AOAH: variants seen among roughly 807,000 people sequenced by gnomAD.
The protein encoded by AOAH is acyloxyacyl hydrolase (neutrophil).
Under a neutral mutation model 92.2 loss-of-function variants are expected in AOAH, and 64 were observed. The observed-to-expected ratio is 0.69, with a 90% CI of 0.57 to 0.86. AOAH has a LOEUF of 0.86. Ranked by LOEUF, AOAH falls within the 40% of genes least tolerant of loss-of-function variation. The pLI, the probability that AOAH is intolerant of heterozygous loss-of-function variation, is 0.00. For synonymous variants in AOAH, 263 were observed against 254.5 expected (o/e 1.03, Z -0.32); for missense variants, 656 against 694.6 (o/e 0.94, Z 0.62).
chr7:36,712,333 T>C (rs1034671082), intron 1 of AOAH, among the ~76,000 whole-genome samples: 1 of 152,166 alleles, frequency 6.6e-6, no homozygotes, highest in African/African-American at 2.4e-5. Flanking sequence ...TTTAACCAAA[T>C]GTGAGTAAGG....
chr7:36,694,268 G>A lies in AOAH; in HGVS notation c.128-7474C>T, dbSNP rs191646930. ...TCCCAGTGCTTTGGGAGGCTGAGGC[G>A]GGCGGATCACCTGAGGTCAGGAGTC... On this transcript the variant is annotated intron_variant, in intron 1 of 20. Coordinates refer to ENST00000617537, the MANE Select transcript of AOAH (RefSeq NM_001637.4). Among the ~76,000 whole-genome samples the A allele has an allele frequency of 2.5e-3, 373 of 152,028 alleles. 3 individuals carry two copies. The highest frequency in any genetic ancestry group is 8.6e-3 in the African/African-American group (355 of 41,470).
intron 12 of AOAH, among the ~76,000 whole-genome samples, chr7:36,581,464 C>T (rs1191214861): frequency 2.0e-5 from 3 of 152,312 alleles, no homozygotes; most frequent in African/African-American, 7.2e-5. Flanking sequence ...TTATACACTG[C>T]GTCACTTATG....
At chr7:36,674,113 T>G in intron 2 of AOAH, 104 bp from the exon 3 acceptor site, 1 of 652,868 alleles carries the variant, frequency 1.5e-6, no homozygotes, top group South Asian at 2.1e-5. Context: ...AGTGATTAAT[T>G]TATGATTAAT....
chr7:36,575,930 C>T (rs1788464667), intron 13 of AOAH, among the ~76,000 whole-genome samples: 2 of 152,290 alleles, frequency 1.3e-5, no homozygotes, highest in Middle Eastern at 3.4e-3. Context: ...CTGAGCATAG[C>T]AGACAAGAGT....
intron 12 of AOAH, among the ~76,000 whole-genome samples, chr7:36,587,162 C>G (rs1789395346): frequency 6.6e-6 from 1 of 150,962 alleles, no homozygotes; most frequent in Non-Finnish European, 1.5e-5. Flanking sequence ...GTCCCAGCTA[C>G]TCGGGAGGCT....
In AOAH at chr7:36,594,382, G is replaced by A; in HGVS notation, c.895C>T (p.Pro299Ser). ...AATCCTGTAGCACCAGAGAGTTGGG[G>A]CCAGTCAAGCTCGTTGGTAAGGGCT... ...PTALTNELDWPQLSGATGFLD... is the reference protein window; with the variant it reads ...PTALTNELDWSQLSGATGFLD... The change falls in exon 12 of 21, where the codon CCC (proline) becomes TCC (serine). Residue 299 changes from proline (P) to serine (S), a missense_variant. Physicochemically the swap from Pro to Ser is moderately conservative, Grantham distance 74 (BLOSUM62 -1). Coordinates refer to ENST00000617537, the MANE Select transcript of AOAH (RefSeq NM_001637.4). 1 of 1,614,088 alleles carries A rather than the reference G, an allele frequency of 6.2e-7. No homozygotes were observed. The highest frequency in any genetic ancestry group is 8.5e-7 in the Non-Finnish European group (1 of 1,179,942).
intron 8 of AOAH, 101 bp from the exon 9 acceptor site, chr7:36,620,930 G>T (rs759846694): frequency 1.3e-5 from 14 of 1,112,568 alleles, no homozygotes; most frequent in Non-Finnish European, 1.7e-5. Flanking sequence ...AATGCTACAC[G>T]AAGTGCCATG....
intron 4 of AOAH, among the ~76,000 whole-genome samples, chr7:36,647,862 G>A (rs1046815722): frequency 8.0e-5 from 12 of 149,172 alleles, no homozygotes; most frequent in Admixed American, 4.7e-4. Context: ...GTGGAGTATC[G>A]CTCTGTCACC....
At chr7:36,721,453 G>A (rs756750491) in intron 1 of AOAH, among the ~76,000 whole-genome samples, 1 of 152,076 alleles carries the variant, frequency 6.6e-6, no homozygotes, top group Non-Finnish European at 1.5e-5. Context: ...TCCCCCAAAA[G>A]CCAACTTCAA....
chr7:36,559,042 A>T (rs1202243177), intron 13 of AOAH, among the ~76,000 whole-genome samples: 2 of 152,248 alleles, frequency 1.3e-5, no homozygotes, highest in Non-Finnish European at 1.5e-5. Context: ...TCAGATGGAA[A>T]TGCAGAAATC....
chr7:36,606,330 C>T (rs547240592), intron 11 of AOAH, among the ~76,000 whole-genome samples: 1 of 152,252 alleles, frequency 6.6e-6, no homozygotes, highest in African/African-American at 2.4e-5. Context: ...AAATGAAGTG[C>T]ATATAAGCTT....
intron 15 of AOAH, among the ~76,000 whole-genome samples, chr7:36,541,366 G>A (rs1785413104): frequency 6.6e-6 from 1 of 152,208 alleles, no homozygotes; most frequent in Non-Finnish European, 1.5e-5. Context: ...AAGTAGTTAT[G>A]AGAGACACAG....
chr7:36,691,570 G>A (rs558221893), intron 1 of AOAH, among the ~76,000 whole-genome samples: 1 of 152,200 alleles, frequency 6.6e-6, no homozygotes, highest in African/African-American at 2.4e-5. Flanking sequence ...TGGTATAGTA[G>A]AGAGTAGAAG....
rs756451335 is a variant in AOAH at position 36,659,234 on chromosome 7, A to G, written c.322T>C (p.Cys108Arg). 2.0e-5 allele frequency: 32 copies of G among 1,614,044 alleles called. No individual in the cohort carries two copies. The highest frequency in any genetic ancestry group is 2.7e-5 in the Non-Finnish European group (32 of 1,179,982). The stretch of plus-strand genomic sequence containing the variant: ...TGTTTACAAAACTCCAGAGTGTGAC[A>G]TACCACATCAGCATTCATATCTGCG... ...LSADMNADVV[C>R]HTLEFCKQNT... The change falls in exon 4 of 21, where the codon TGT becomes CGT. Residue 108 changes from cysteine to arginine, a missense_variant. Physicochemically the swap from Cys to Arg is radical, Grantham distance 180. Coordinates refer to ENST00000617537, the MANE Select transcript of AOAH (RefSeq NM_001637.4).
At chr7:36,625,737 C>T (rs1028667241) in intron 6 of AOAH, among the ~76,000 whole-genome samples, 1 of 152,172 alleles carries the variant, frequency 6.6e-6, no homozygotes, top group Admixed American at 6.5e-5. Flanking sequence ...CCATGATCAC[C>T]CACACCTTGA....
intron 4 of AOAH, among the ~76,000 whole-genome samples, chr7:36,638,777 C>T (rs1313669784): frequency 5.3e-5 from 8 of 152,192 alleles, no homozygotes; most frequent in East Asian, 1.9e-4. Context: ...GCTAAGAGTG[C>T]GTGTTGATGA....
chr7:36,576,254 TTC>T (rs1788489660), intron 13 of AOAH, among the ~76,000 whole-genome samples: 1 of 152,240 alleles, frequency 6.6e-6, no homozygotes, highest in African/African-American at 2.4e-5. Context: ...TCAGCTCTTG[TTC>T]TGCTAATGCT....
chr7:36,595,010 C>T (rs113967717), intron 11 of AOAH, among the ~76,000 whole-genome samples: 3 of 152,216 alleles, frequency 2.0e-5, no homozygotes, highest in African/African-American at 7.2e-5. Flanking sequence ...AACTCCTGCA[C>T]AATTTGTCAA....
intron 12 of AOAH, among the ~76,000 whole-genome samples, chr7:36,581,321 TG>T (rs1466733532): frequency 6.6e-6 from 1 of 152,240 alleles, no homozygotes; most frequent in East Asian, 1.9e-4. Flanking sequence ...GTTTTGTGGC[TG>T]TTGGCTCTTC....
Sources: allele counts gnomAD v4.1 joint callset (sites outside exome capture counted in the v4.1 genomes callset), GRCh38; gene constraint gnomAD v4.1.1; transcripts MANE v1.5; gene names NCBI Gene and HGNC (gene_info 2026-07-23, HGNC 2026-07-21).